The following SENP5 variants were observed in gnomAD, a reference collection of about 807,000 sequenced individuals.
SENP5 encodes sentrin-specific protease 5.
A neutral mutation model predicts 74.2 loss-of-function variants in SENP5; 21 were observed. That is an observed-to-expected ratio of 0.28 (90% CI 0.20 to 0.41). The LOEUF is 0.41. Ranked by LOEUF, SENP5 falls within the 10% of genes least tolerant of loss-of-function variation. The pLI is 1.00. For missense variants in SENP5, 717 were observed against 889.1 expected, an observed-to-expected ratio of 0.81 and a Z score of 2.46; for synonymous variants, 311 against 312.7, an observed-to-expected ratio of 0.99 and a Z score of 0.06.
At chr3:196,900,119 A>G (rs1714637736) in intron 4 of SENP5, 57 bp downstream of exon 4, 1 of 1,566,516 alleles carries the variant, frequency 6.4e-7, no homozygotes, top group Non-Finnish European at 8.6e-7. Context: ...TAGTCAATAA[A>G]ATATAATCTC....
At chr3:196,922,929 T>C (rs2108862650) in intron 6 of SENP5, among the ~76,000 whole-genome samples, 1 of 152,256 alleles carries the variant, frequency 6.6e-6, no homozygotes, top group South Asian at 2.1e-4. Context: ...ATTTTTTATT[T>C]TTTTGTAGAG....
intron 2 of SENP5, among the ~76,000 whole-genome samples, chr3:196,891,069 A>G (rs756850422): frequency 1.3e-5 from 2 of 152,228 alleles, no homozygotes; most frequent in Non-Finnish European, 2.9e-5. Flanking sequence ...CACCTGATGA[A>G]TGGATAAATA....
At chr3:196,891,749 T>C (rs1387313538) in intron 2 of SENP5, among the ~76,000 whole-genome samples, 1 of 152,190 alleles carries the variant, frequency 6.6e-6, no homozygotes, top group Admixed American at 6.5e-5. Flanking sequence ...AAGTGAGCTA[T>C]GGTAGCTCGA....
At position 196,897,557 on chromosome 3, in the gene SENP5, A is replaced by G. The variant is rs544015834; in HGVS notation, c.1514-2109A>G. On this transcript the variant is annotated intron_variant, in intron 2 of 9. Coordinates refer to ENST00000323460, the MANE Select transcript of SENP5 (RefSeq NM_152699.5). ...TGGTGGGAGATTAACAGGAGGAAAA[A>G]TAAATTGTTCACTTCTTTGTCTGTC... is the stretch of plus-strand genomic sequence containing the variant. 2.0e-5 allele frequency among the ~76,000 whole-genome samples: 3 copies of G among 152,352 alleles called. No homozygotes were observed. In the South Asian group the frequency reaches 6.2e-4, roughly 32 times the overall value.
In SENP5 at chr3:196,927,922, TGGA is replaced by T; in HGVS notation, c.2106+44_2106+46del. 3 of 1,277,410 alleles carry T rather than the reference TGGA, an allele frequency of 2.3e-6. No individual in the cohort carries two copies. The Admixed American group carries it at 5.1e-5, about 22-fold the overall frequency. The allele number at this position is 1,277,410 out of a possible 1,614,324, so 79.1% of individuals were successfully genotyped here. A position where few individuals can be genotyped will look rare whatever the true frequency, so the allele number is the denominator to read the frequency against. On this transcript the variant is annotated intron_variant, in intron 8 of 9. Coordinates refer to ENST00000323460, the MANE Select transcript of SENP5 (RefSeq NM_152699.5). Reference sequence around the variant, plus strand: ...ATGAAACCCAGGCATGTCCAGGGGATGGAATTATCTAAGGGTGGGTGCCTTTAA... The same window carrying T: ...ATGAAACCCAGGCATGTCCAGGGGATATTATCTAAGGGTGGGTGCCTTTAA...
At chr3:196,868,498 C>T (rs1472163857) in intron 1 of SENP5, among the ~76,000 whole-genome samples, 4 of 152,266 alleles carry the variant, frequency 2.6e-5, no homozygotes, top group Non-Finnish European at 4.4e-5. Flanking sequence ...GACCCTTTTC[C>T]AGAGAGCCCG....
chr3:196,899,824 A>G, intron 3 of SENP5, 53 bp downstream of exon 3: 1 of 1,565,816 alleles, frequency 6.4e-7, no homozygotes, highest in East Asian at 2.2e-5. Flanking sequence ...TTTGGCATAT[A>G]TGACTTTTCT....
chr3:196,900,069 A>C lies in SENP5; in HGVS notation c.1758+7A>C, dbSNP rs754991048. 6.2e-7 allele frequency: 1 copy of C among 1,607,044 alleles called. No homozygotes were observed. The highest frequency in any genetic ancestry group is 1.1e-5 in the South Asian group (1 of 89,342). ...GAACTGGCTGAATGACCAGGTTAGT[A>C]TATTGTAGTTTTTCAGTGTGGAGAA... On this transcript the variant is annotated splice_region_variant and intron_variant, in intron 4 of 9. Transcript: ENST00000323460.
At chr3:196,869,763 A>AG (rs1175245630) in intron 1 of SENP5, among the ~76,000 whole-genome samples, 3 of 147,394 alleles carry the variant, frequency 2.0e-5, no homozygotes, top group Non-Finnish European at 4.5e-5. Flanking sequence ...CCGTCTCAAA[A>AG]AAAAAAAAAA....
chr3:196,893,982 A>T (rs1714326089), intron 2 of SENP5, among the ~76,000 whole-genome samples: 1 of 152,006 alleles, frequency 6.6e-6, no homozygotes, highest in Non-Finnish European at 1.5e-5. Context: ...AGAAGGAATT[A>T]TGGGCTCACT....
intron 7 of SENP5, among the ~76,000 whole-genome samples, chr3:196,923,978 GA>G (rs574052543): frequency 6.6e-4 from 101 of 152,294 alleles, no homozygotes; most frequent in African/African-American, 2.2e-3. Context: ...TAGGTTTCCG[GA>G]TTTTCCTGCA....
At chr3:196,874,795 C>T (rs1713382787) in intron 1 of SENP5, among the ~76,000 whole-genome samples, 1 of 152,070 alleles carries the variant, frequency 6.6e-6, no homozygotes, top group South Asian at 2.1e-4. Flanking sequence ...AGGAGAATTG[C>T]TTGAACCCGG....
At chr3:196,873,242 G>A (rs1430689059) in intron 1 of SENP5, among the ~76,000 whole-genome samples, 2 of 151,574 alleles carry the variant, frequency 1.3e-5, no homozygotes, top group African/African-American at 4.8e-5. Context: ...CCCGGCTAAT[G>A]TTTGTATTTT....
intron 2 of SENP5, among the ~76,000 whole-genome samples, chr3:196,893,169 T>C (rs904373391): frequency 3.9e-5 from 6 of 152,240 alleles, no homozygotes; most frequent in African/African-American, 1.4e-4. Context: ...TGTACAGGGT[T>C]CCCCTTTCTC....
In SENP5 at chr3:196,931,922, A is replaced by T. The variant is rs1301787463; in HGVS notation, c.*999A>T. ...CTTGAGATGTTTTGCAGGTGGCTGG[A>T]GAGAAGAGGGAAGGTAATAGAGACA... On this transcript the variant is annotated 3_prime_UTR_variant, in exon 10 of 10. Coordinates refer to ENST00000323460, the MANE Select transcript of SENP5 (RefSeq NM_152699.5). 2.2e-6 allele frequency: 1 copy of T among 455,280 alleles called. No homozygotes were observed. Among genetic ancestry groups the T allele is most frequent in the Non-Finnish European group, 4.4e-6 (1 of 226,498 alleles). 28.2% of individuals were successfully genotyped at this position (455,280 alleles called of 1,614,324 possible).
At chr3:196,882,235 CAT>C (rs1713758840) in intron 1 of SENP5, among the ~76,000 whole-genome samples, 1 of 151,772 alleles carries the variant, frequency 6.6e-6, no homozygotes, top group African/African-American at 2.4e-5. Flanking sequence ...ATATACATAA[CAT>C]AAAATTTACT....
chr3:196,929,020 T>C (rs1715920903), intron 8 of SENP5, among the ~76,000 whole-genome samples: 1 of 152,102 alleles, frequency 6.6e-6, no homozygotes, highest in African/African-American at 2.4e-5. Context: ...TGAGACCTCA[T>C]CTCTACAAAT....
chr3:196,873,227 C>T (rs1713294783), intron 1 of SENP5, among the ~76,000 whole-genome samples: 1 of 151,952 alleles, frequency 6.6e-6, no homozygotes, highest in African/African-American at 2.4e-5. Flanking sequence ...GCACATGCCA[C>T]CATGCCCGGC....
At position 196,886,051 on chromosome 3, in the gene SENP5, A is replaced by G; in HGVS notation, c.870A>G (p.Pro290=). 3 of 1,614,126 alleles carry G rather than the reference A, an allele frequency of 1.9e-6. No individual in the cohort carries two copies. Among genetic ancestry groups the G allele is most frequent in the Non-Finnish European group, 2.5e-6 (3 of 1,180,010 alleles). The change falls in exon 2 of 10, where the codon CCA becomes CCG. Residue 290 remains proline, a synonymous_variant. Transcript: ENST00000323460. ...ACGGTGAGGGTGGCAGTTGCAGCCC[A>G]TTTCCTTCCCCAGAACCTAAAGACC... ...RENGEGGSCS[P]FPSPEPKDPS...
Sources: allele counts gnomAD v4.1 joint callset (sites outside exome capture counted in the v4.1 genomes callset), GRCh38; gene constraint gnomAD v4.1.1; transcripts MANE v1.5; gene names NCBI Gene and HGNC (gene_info 2026-07-23, HGNC 2026-07-21).